Variants in RADIL observed in about 807,000 individuals in gnomAD.
RADIL encodes the protein ras-associating and dilute domain-containing protein.
Under a neutral mutation model 97.6 loss-of-function variants are expected in RADIL, and 99 were observed. The ratio of observed to expected loss-of-function variants is 1.01; its 90% CI spans 0.86 to 1.20. RADIL has a LOEUF of 1.20. Among genes scored for constraint, RADIL ranks in the 50% most tolerant of loss-of-function variants. RADIL has a pLI of 0.00. For synonymous variants in RADIL, 803 were observed against 691.8 expected (o/e 1.16, Z -2.52); for missense variants, 1,765 against 1,498.9 (o/e 1.18, Z -2.93).
At position 4,800,314 on chromosome 7, in the gene RADIL, G is replaced by T. The variant is rs202108433; in HGVS notation, c.2843-4C>A. The T allele has an allele frequency of 5.6e-5, 81 of 1,447,222 alleles. No homozygotes were observed. Among genetic ancestry groups the T allele is most frequent in the Non-Finnish European group, 6.8e-5 (75 of 1,100,188 alleles). The allele number at this position is 1,447,222 out of a possible 1,614,324, so 89.6% of individuals were successfully genotyped here. On this transcript the variant is annotated splice_region_variant and splice_polypyrimidine_tract_variant and intron_variant, in intron 12 of 14. Coordinates refer to ENST00000399583, the MANE Select transcript of RADIL (RefSeq NM_018059.5). Reference sequence around the variant, plus strand: ...TCCGCAAGGGCTGCAGAGTCTCCTGGGTGGGGGCCAGGAAAGGTGGGTGGG... The same window carrying T: ...TCCGCAAGGGCTGCAGAGTCTCCTGTGTGGGGGCCAGGAAAGGTGGGTGGG...
chr7:4,797,467 TTGG>T lies in RADIL; in HGVS notation c.*1908_*1910del, dbSNP rs1010693256. 2 of 152,206 alleles carry T rather than the reference TTGG, an allele frequency of 1.3e-5. No individual in the cohort carries two copies. The highest frequency in any genetic ancestry group is 2.4e-5 in the African/African-American group (1 of 41,428). 9.4% of individuals were successfully genotyped at this position (152,206 alleles called of 1,614,324 possible). On this transcript the variant is annotated 3_prime_UTR_variant, in exon 15 of 15. Coordinates refer to ENST00000399583, the MANE Select transcript of RADIL (RefSeq NM_018059.5). ...CCCCTTCTCTTTGTGGGAGGAACTG[TTGG>T]TGGCCACCTTTGGAAATGCCTTGCC...
chr7:4,817,826 C>T lies in RADIL; in HGVS notation c.1616-475G>A, dbSNP rs2115190321. Among the ~76,000 whole-genome samples, 1 of 152,280 alleles carries T rather than the reference C, an allele frequency of 6.6e-6. No individual in the cohort carries two copies. Among genetic ancestry groups the T allele is most frequent in the East Asian group, 1.9e-4 (1 of 5,166 alleles). On this transcript the variant is annotated intron_variant, in intron 6 of 14. Transcript: ENST00000399583. This position sits in a 1 kb window ranked among gnomAD's most constrained non-coding sequence, Gnocchi z 8.3. ...AAAGCCCAAATCAGCTATTTCACCC[C>T]CACCCCCGGGTGTCAGCCGGGGCGG...
At chr7:4,861,775 C>A in intron 2 of RADIL, 3 of 1,486,282 alleles carry the variant, frequency 2.0e-6, no homozygotes, top group African/African-American at 1.4e-5. Flanking sequence ...GCGCCGGCTG[C>A]GGTGGTCCCT....
intron 2 of RADIL, among the ~76,000 whole-genome samples, chr7:4,862,768 A>G (rs1784046768): frequency 6.6e-6 from 1 of 152,004 alleles, no homozygotes; most frequent in Non-Finnish European, 1.5e-5. Context: ...GTGGTGGTGC[A>G]TGCCTGTAAT....
intron 2 of RADIL, chr7:4,860,502 T>C (rs755584689): frequency 2.4e-5 from 39 of 1,614,024 alleles, no homozygotes; most frequent in Non-Finnish European, 3.1e-5. Flanking sequence ...ATCACCCACA[T>C]TGTACGAAAT....
intron 2 of RADIL, chr7:4,861,853 G>GACCTTCACGTCCCCCACCACCGCA: frequency 4.5e-6 from 6 of 1,336,898 alleles, no homozygotes; most frequent in Non-Finnish European, 5.9e-6. Flanking sequence ...CCACCACCGC[G>GACCTTCACGTCCCCCACCACCGCA]ACCTTCGCGG....
At chr7:4,832,757 AAAAAAAG>A (rs1265342014) in intron 4 of RADIL, among the ~76,000 whole-genome samples, 3 of 145,622 alleles carry the variant, frequency 2.1e-5, no homozygotes, top group African/African-American at 8.5e-5. Flanking sequence ...AAAAAAAAAA[AAAAAAAG>A]AATTATTCTT....
intron 2 of RADIL, among the ~76,000 whole-genome samples, chr7:4,853,191 C>T (rs73316196): frequency 0.19 from 28,237 of 152,072 alleles, 3,490 homozygotes; most frequent in African/African-American, 0.35. Context: ...CCAGTGACCC[C>T]TGCTTTGCAT....
intron 2 of RADIL, among the ~76,000 whole-genome samples, chr7:4,856,238 A>C (rs1189877305): frequency 6.6e-6 from 1 of 151,926 alleles, no homozygotes; most frequent in African/African-American, 2.4e-5. Flanking sequence ...TGACAGGTAC[A>C]TGCTGGGACT....
rs1490129673 is a variant in RADIL, at chr7:4,834,896, G to A, written c.1127C>T (p.Pro376Leu). 14 of 1,476,658 alleles carry A rather than the reference G, an allele frequency of 9.5e-6. No homozygotes were observed. Among genetic ancestry groups the A allele is most frequent in the Admixed American group, 7.5e-5 (3 of 39,938 alleles). 91.5% of individuals were successfully genotyped at this position (1,476,658 alleles called of 1,614,324 possible). A position where few individuals can be genotyped will look rare whatever the true frequency, so the allele number is the denominator to read the frequency against. The change falls in exon 4 of 15, where the codon CCG (proline) becomes CTG (leucine). Residue 376 changes from proline (P) to leucine (L), a missense_variant. Coordinates refer to ENST00000399583, the MANE Select transcript of RADIL (RefSeq NM_018059.5). The surrounding 1 kb of genome is among the most constrained non-coding windows in gnomAD (Gnocchi z 6.0). ...GGCCCCGCACAGCCGGCAGCTCTGC[G>A]GCACAGCCCGGAGGCGCGCCAAGGC... ...ARALARLRAV[P>L]QSCRLCGAAL...
rs1370843039 is a variant in RADIL, at chr7:4,801,753, A to G, written c.2742T>C (p.Pro914=). 1 of 1,610,518 alleles carries G rather than the reference A, an allele frequency of 6.2e-7. No individual in the cohort carries two copies. The change falls in exon 12 of 15, where the codon CCT becomes CCC. Residue 914 remains proline (P), a synonymous_variant. Coordinates refer to ENST00000399583, the MANE Select transcript of RADIL (RefSeq NM_018059.5). The stretch of plus-strand genomic sequence containing the variant: ...CGGACTCTGGCCAGTCGGGGTCCCC[A>G]GGCTCAGGGCCAAGTGGAGTGCTGG... ...TPPSTPLGPE[P]GDPDWPESGG...
intron 2 of RADIL, chr7:4,838,041 C>G (rs924362312): frequency 2.0e-6 from 2 of 985,284 alleles, no homozygotes; most frequent in African/African-American, 3.5e-5. Flanking sequence ...CCAAGGCAGC[C>G]GGCAGCCTGT....
rs61513158 is a variant in RADIL at position 4,805,409 on chromosome 7, C to T, written c.2290+157G>A. On this transcript the variant is annotated intron_variant, in intron 10 of 14. Transcript: ENST00000399583. ...TCCCCAGGTTGGGGATGGGGCGGGG[C>T]GGGGGGGTCCTCTGGGTGGAGGCTC... The T allele has an allele frequency of 8.6e-4, 413 of 477,550 alleles. 2 individuals carry two copies. The highest frequency in any genetic ancestry group is 2.0e-3 in the East Asian group (59 of 30,138). 29.6% of individuals were successfully genotyped at this position (477,550 alleles called of 1,614,324 possible). A position where few individuals can be genotyped will look rare whatever the true frequency, so the allele number is the denominator to read the frequency against.
chr7:4,845,168 C>A (rs933210795), intron 2 of RADIL, among the ~76,000 whole-genome samples: 10 of 152,110 alleles, frequency 6.6e-5, no homozygotes, highest in African/African-American at 1.9e-4. Flanking sequence ...GCCTGTAATC[C>A]CAGCACTTTG....
At position 4,835,117 on chromosome 7, in the gene RADIL, C is replaced by T. The variant is rs1343098635; in HGVS notation, c.906G>A (p.Arg302=). The T allele has an allele frequency of 1.2e-6, 2 of 1,608,934 alleles. No homozygotes were observed. Among genetic ancestry groups the T allele is most frequent in the Non-Finnish European group, 1.7e-6 (2 of 1,178,140 alleles). ...DILPLHCTIR[R]QPLPDSGQAA... The stretch of plus-strand genomic sequence containing the variant: ...CCTGGCCGCTGTCCGGGAGCGGTTG[C>T]CGGCGGATGGTGCAGTGTAGAGGCA... The change falls in exon 4 of 15, where the codon CGG becomes CGA. Residue 302 remains arginine (R), a synonymous_variant. Transcript: ENST00000399583. The surrounding 1 kb of genome is among the most constrained non-coding windows in gnomAD (Gnocchi z 5.8).
At position 4,873,667 on chromosome 7, in the gene RADIL, C is replaced by G. The variant is rs560066705; in HGVS notation, c.535+3938G>C. Among the ~76,000 whole-genome samples, 9 of 152,336 alleles carry G rather than the reference C, an allele frequency of 5.9e-5. No homozygotes were observed. The highest frequency in any genetic ancestry group is 2.2e-4 in the African/African-American group (9 of 41,570). On this transcript the variant is annotated intron_variant, in intron 2 of 14. Transcript: ENST00000399583. This position sits in a 1 kb window ranked among gnomAD's most constrained non-coding sequence, Gnocchi z 4.3. The stretch of plus-strand genomic sequence containing the variant: ...TTCACTGCAGCCCCCCACCTTCCCC[C>G]AAAGCGACACGGTGACACATGCCCC...
intron 2 of RADIL, among the ~76,000 whole-genome samples, chr7:4,876,832 G>A (rs754964024): frequency 9.2e-5 from 14 of 152,204 alleles, no homozygotes; most frequent in African/African-American, 1.4e-4. Context: ...CCCGCGGTAC[G>A]CTGAGTGCAC....
At position 4,817,169 on chromosome 7, in the gene RADIL, C is replaced by A; in HGVS notation, c.1728+70G>T. 1 of 1,400,268 alleles carries A rather than the reference C, an allele frequency of 7.1e-7. No individual in the cohort carries two copies. Among genetic ancestry groups the A allele is most frequent in the Non-Finnish European group, 9.9e-7 (1 of 1,009,292 alleles). The allele number at this position is 1,400,268 out of a possible 1,614,324, so 86.7% of individuals were successfully genotyped here. ...CCCAGAAGGCTCCTTAGGAGAGCCA[C>A]AGGCACAAGCTTGAGCCCCACTTGA... On this transcript the variant is annotated intron_variant, in intron 7 of 14. Coordinates refer to ENST00000399583, the MANE Select transcript of RADIL (RefSeq NM_018059.5). The surrounding 1 kb of genome is among the most constrained non-coding windows in gnomAD (Gnocchi z 8.3).
intron 2 of RADIL, chr7:4,860,128 A>C: frequency 6.2e-7 from 1 of 1,614,052 alleles, no homozygotes; most frequent in Non-Finnish European, 8.5e-7. Context: ...CTGTCATTAC[A>C]GCCAAGGCAG....
Sources: gnomAD v4.1 joint callset for allele counts (sites outside exome capture counted in the v4.1 genomes callset) on GRCh38, gnomAD v4.1.1 for gene constraint, Gnocchi (gnomAD v3.1) non-coding constraint, MANE v1.5 for transcripts, NCBI Gene and HGNC (gene_info 2026-07-23, HGNC 2026-07-21) for gene names.